Variants in XYLT1 observed in about 807,000 individuals in gnomAD.
XYLT1 encodes the protein xylosyltransferase 1.
XYLT1 carries 36 observed loss-of-function variants against 91.3 expected under a neutral mutation model. The ratio of observed to expected loss-of-function variants is 0.39; its 90% CI spans 0.30 to 0.52. The LOEUF (loss-of-function observed/expected upper bound fraction) is 0.52, where lower values mean the gene tolerates loss of function less well. Among genes scored for constraint, XYLT1 ranks in the 20% least tolerant of loss-of-function variants. XYLT1 has a pLI of 0.68. For missense variants in XYLT1, 1,242 were observed against 1,284.5 expected (o/e 0.97, Z 0.51); for synonymous variants, 588 against 532.0 (o/e 1.11, Z -1.45).
intron 8 of XYLT1, chr16:17,137,763 C>T (rs375762360): frequency 6.6e-6 from 1 of 151,748 alleles, no homozygotes; most frequent in African/African-American, 2.5e-5. Context: ...TCCCACAGAA[C>T]ACAGTGGTTT....
intron 1 of XYLT1, among the ~76,000 whole-genome samples, chr16:17,399,081 T>G (rs551683853): frequency 3.9e-5 from 6 of 152,200 alleles, no homozygotes; most frequent in African/African-American, 1.4e-4. Flanking sequence ...CTAGTATGAC[T>G]GCATCTTTGC....
chr16:17,358,611 T>C (rs558448303), intron 1 of XYLT1, among the ~76,000 whole-genome samples: 4 of 152,314 alleles, frequency 2.6e-5, no homozygotes, highest in Middle Eastern at 3.4e-3. Context: ...CTCAAGTTTT[T>C]ATGAAGGAAA....
At chr16:17,423,143 C>G (rs1435764601) in intron 1 of XYLT1, among the ~76,000 whole-genome samples, 1 of 149,364 alleles carries the variant, frequency 6.7e-6, no homozygotes, top group South Asian at 2.1e-4. Flanking sequence ...CTGGACACCT[C>G]GCTGGGCTTG....
intron 1 of XYLT1, among the ~76,000 whole-genome samples, chr16:17,436,587 C>T (rs898418345): frequency 1.2e-4 from 18 of 152,156 alleles, no homozygotes; most frequent in Non-Finnish European, 2.4e-4. Context: ...GGGTTGGGAA[C>T]GAGGTCATTC....
At chr16:17,257,695 A>G (rs1279838414) in intron 3 of XYLT1, among the ~76,000 whole-genome samples, 2 of 152,136 alleles carry the variant, frequency 1.3e-5, no homozygotes, top group Non-Finnish European at 2.9e-5. Context: ...TTCCTGCCAT[A>G]ACAGTAAGCT....
At position 17,295,368 on chromosome 16, in the gene XYLT1, T is replaced by G. The variant is rs149958586; in HGVS notation, c.403-35870A>C. On this transcript the variant is annotated intron_variant, in intron 2 of 11. Transcript: ENST00000261381. ...TTTTGTTTTGTTTTGTTTTGTTTTG[T>G]TTTTGGAGACAGATTCTTGCCCTGT... Among the ~76,000 whole-genome samples, 1,287 of 152,032 alleles carry G rather than the reference T, an allele frequency of 8.5e-3. 16 individuals are homozygous for G. The highest frequency in any genetic ancestry group is 0.029 in the African/African-American group (1,189 of 41,456).
intron 1 of XYLT1, among the ~76,000 whole-genome samples, chr16:17,379,326 C>T (rs913614046): frequency 4.6e-5 from 7 of 152,332 alleles, no homozygotes; most frequent in South Asian, 2.1e-4. Context: ...CAAAACTCAG[C>T]GCAAATGGCT....
chr16:17,159,207 C>T (rs906302548), intron 5 of XYLT1, among the ~76,000 whole-genome samples: 3 of 152,158 alleles, frequency 2.0e-5, no homozygotes, highest in African/African-American at 7.2e-5. Flanking sequence ...GTGCCTGGCA[C>T]TGGGCTTGGC....
At chr16:17,370,911 C>G (rs1247028988) in intron 1 of XYLT1, among the ~76,000 whole-genome samples, 1 of 152,198 alleles carries the variant, frequency 6.6e-6, no homozygotes, top group African/African-American at 2.4e-5. Flanking sequence ...CTCCTGCTTG[C>G]CACAGTCCCC....
chr16:17,371,094 G>A (rs1329462277), intron 1 of XYLT1, among the ~76,000 whole-genome samples: 1 of 152,176 alleles, frequency 6.6e-6, no homozygotes, highest in Non-Finnish European at 1.5e-5. Flanking sequence ...AAGTAACGTG[G>A]CTGCAAAGTC....
chr16:17,233,827 T>G (rs2033205221), intron 3 of XYLT1, among the ~76,000 whole-genome samples: 1 of 152,158 alleles, frequency 6.6e-6, no homozygotes, highest in Non-Finnish European at 1.5e-5. Context: ...GCCTGGCCCC[T>G]TGGGGTATTT....
chr16:17,390,259 C>A (rs1364435372), intron 1 of XYLT1, among the ~76,000 whole-genome samples: 1 of 152,156 alleles, frequency 6.6e-6, no homozygotes, highest in East Asian at 1.9e-4. Context: ...TCAAAACAGG[C>A]CTATCCAATA....
chr16:17,148,717 C>T (rs2031202521), intron 6 of XYLT1, among the ~76,000 whole-genome samples: 1 of 152,228 alleles, frequency 6.6e-6, no homozygotes, highest in South Asian at 2.1e-4. Context: ...GGATCCAATG[C>T]AAGCTCTTAA....
intron 2 of XYLT1, among the ~76,000 whole-genome samples, chr16:17,269,792 TTTATTATTA>T (rs60773820): frequency 1.4e-5 from 2 of 141,696 alleles, no homozygotes; most frequent in African/African-American, 2.7e-5. Context: ...TCCTTCTCCC[TTTATTATTA>T]TTATTATTAT....
At chr16:17,200,237 C>A (rs558023134) in intron 4 of XYLT1, among the ~76,000 whole-genome samples, 398 of 151,226 alleles carry the variant, frequency 2.6e-3, no homozygotes, top group African/African-American at 7.0e-3. Context: ...AGAAAAAAAA[C>A]CCCCCAAAAA....
rs140911793 is a variant in XYLT1, at chr16:17,333,587, A to ATTTT, written c.402+24424_402+24425insAAAA. Among the ~76,000 whole-genome samples the ATTTT allele has an allele frequency of 2.1e-5, 3 of 140,100 alleles. 1 individual carries two copies. The highest frequency in any genetic ancestry group is 3.0e-5 in the Non-Finnish European group (2 of 65,932). The allele number at this position is 140,100 out of a possible 152,430, so 91.9% of individuals were successfully genotyped here. A position where few individuals can be genotyped will look rare whatever the true frequency, so the allele number is the denominator to read the frequency against. Reference sequence around the variant, plus strand: ...TGAAATTAATTAATTAATTAATTTAATTTATTTTTTTTTTTTTTGAGATGA... The same window carrying ATTTT: ...TGAAATTAATTAATTAATTAATTTAATTTTTTTATTTTTTTTTTTTTTGAGATGA... On this transcript the variant is annotated intron_variant, in intron 2 of 11. Transcript: ENST00000261381.
At chr16:17,304,000 T>C (rs1351873802) in intron 2 of XYLT1, among the ~76,000 whole-genome samples, 1 of 150,002 alleles carries the variant, frequency 6.7e-6, no homozygotes, top group Non-Finnish European at 1.5e-5. Context: ...TACATGTGCG[T>C]GTGTGTGTGT....
intron 3 of XYLT1, among the ~76,000 whole-genome samples, chr16:17,234,120 G>T (rs999754426): frequency 2.6e-5 from 4 of 152,192 alleles, no homozygotes; most frequent in African/African-American, 9.7e-5. Flanking sequence ...TGTGTCAACA[G>T]TGAGGCGGGT....
intron 1 of XYLT1, among the ~76,000 whole-genome samples, chr16:17,417,042 T>C (rs993603797): frequency 2.0e-5 from 3 of 152,080 alleles, no homozygotes; most frequent in East Asian, 3.9e-4. Flanking sequence ...TAAGACTTTA[T>C]GGATAGCTTG....
Sources: gnomAD v4.1 joint callset for allele counts (sites outside exome capture counted in the v4.1 genomes callset) on GRCh38, gnomAD v4.1.1 for gene constraint, MANE v1.5 for transcripts, NCBI Gene and HGNC (gene_info 2026-07-23, HGNC 2026-07-21) for gene names.